The following EFCAB5 variants were observed in gnomAD, a reference collection of about 807,000 sequenced individuals.
EFCAB5 encodes EF-hand calcium-binding domain-containing protein 5.
A neutral mutation model predicts 167.9 loss-of-function variants in EFCAB5; 131 were observed. The observed-to-expected ratio is 0.78, with a 90% CI of 0.68 to 0.90. The LOEUF is 0.90. Ranked by LOEUF, EFCAB5 falls within the 40% of genes least tolerant of loss-of-function variation. The pLI, the probability that EFCAB5 is intolerant of heterozygous loss-of-function variation, is 0.00. For missense variants in EFCAB5, 1,663 were observed against 1,745.2 expected (o/e 0.95, Z 0.84); for synonymous variants, 574 against 602.8 (o/e 0.95, Z 0.70).
At chr17:30,058,004 ACTTT>A in intron 13 of EFCAB5, 114 bp downstream of exon 13, 1 of 882,620 alleles carries the variant, frequency 1.1e-6, no homozygotes, top group Non-Finnish European at 1.7e-6. Flanking sequence ...CAAACTGATC[ACTTT>A]CTTTCAACAA....
intron 14 of EFCAB5, among the ~76,000 whole-genome samples, chr17:30,061,101 G>A (rs1410702319): frequency 6.6e-6 from 1 of 152,220 alleles, no homozygotes; most frequent in Non-Finnish European, 1.5e-5. Flanking sequence ...CAGATAGATA[G>A]CATAAAATGT....
intron 7 of EFCAB5, among the ~76,000 whole-genome samples, chr17:30,007,203 G>A (rs148382584): frequency 6.6e-6 from 1 of 152,052 alleles, no homozygotes; most frequent in South Asian, 2.1e-4. Context: ...GATTTATTAG[G>A]GGAAGAAATG....
At chr17:30,006,575 T>G (rs774038808) in intron 7 of EFCAB5, among the ~76,000 whole-genome samples, 3 of 152,230 alleles carry the variant, frequency 2.0e-5, no homozygotes, top group Non-Finnish European at 2.9e-5. Flanking sequence ...AAATAAAAGT[T>G]TTTCTACATT....
chr17:29,942,545 T>C (rs868759538), intron 2 of EFCAB5, among the ~76,000 whole-genome samples: 9 of 152,194 alleles, frequency 5.9e-5, no homozygotes, highest in South Asian at 4.1e-4. Context: ...GACTGCTTTC[T>C]AAAGTTACCC....
intron 11 of EFCAB5, 40 bp downstream of exon 11, chr17:30,056,005 A>G (rs150943636): frequency 4.5e-5 from 73 of 1,613,208 alleles, no homozygotes; most frequent in Non-Finnish European, 5.8e-5. Context: ...TATACCCTAG[A>G]ACAAAAATAT....
chr17:30,060,098 T>C (rs1218523778), intron 14 of EFCAB5, among the ~76,000 whole-genome samples: 1 of 152,200 alleles, frequency 6.6e-6, no homozygotes, highest in East Asian at 1.9e-4. Context: ...TGCAGAATGC[T>C]TTGTCCAAAA....
At position 30,034,362 on chromosome 17, in the gene EFCAB5, T is replaced by C. The variant is rs2069562309; in HGVS notation, c.1177T>C (p.Phe393Leu). The C allele has an allele frequency of 2.5e-6, 4 of 1,607,016 alleles. No individual in the cohort carries two copies. The highest frequency in any genetic ancestry group is 3.4e-6 in the Non-Finnish European group (4 of 1,176,040). ...GCGGAGGCAGATGTTCGCTGAACTC[T>C]TCCTACATTGTGACCACGGGAAGGT... ...DMRRQMFAELFLHCDHGKVGF... is the reference protein window; with the variant it reads ...DMRRQMFAELLLHCDHGKVGF... The change falls in exon 8 of 23, where the codon TTC becomes CTC. Residue 393 changes from phenylalanine (F) to leucine (L), a missense_variant. By Grantham distance (22) the Phe-to-Leu change is conservative. Transcript: ENST00000394835.
Position 29,980,082 on chromosome 17 carries a change from T to G in EFCAB5, c.767+10715T>G, listed in dbSNP as rs141886096. 1.1e-3 allele frequency among the ~76,000 whole-genome samples: 160 copies of G among 152,236 alleles called. 1 individual carries two copies. The highest frequency in any genetic ancestry group is 3.8e-3 in the African/African-American group (156 of 41,558). On this transcript the variant is annotated intron_variant, in intron 4 of 22. Coordinates refer to ENST00000394835, the MANE Select transcript of EFCAB5 (RefSeq NM_198529.4). ...TACTCAGGAGGCTGAGGCAGGAGAA[T>G]TGCTTGACCCCGGGAGGCGGAGGTT...
At chr17:30,088,899 C>T (rs2071140360) in intron 19 of EFCAB5, among the ~76,000 whole-genome samples, 1 of 152,134 alleles carries the variant, frequency 6.6e-6, no homozygotes. Flanking sequence ...TTACAGAAGT[C>T]CTTGTAATAC....
chr17:29,935,710 G>GAAA (rs35613362), intron 1 of EFCAB5, among the ~76,000 whole-genome samples: 4 of 146,160 alleles, frequency 2.7e-5, no homozygotes, highest in Non-Finnish European at 4.5e-5. Context: ...TTAAGGGCTA[G>GAAA]AAAAAAAAAA....
chr17:29,961,042 G>T (rs1011274473), intron 3 of EFCAB5, among the ~76,000 whole-genome samples: 12 of 152,074 alleles, frequency 7.9e-5, no homozygotes, highest in Admixed American at 5.9e-4. Flanking sequence ...CACAATAGCT[G>T]CATCACTTTG....
At chr17:30,003,597 T>A (rs2068714317) in intron 7 of EFCAB5, among the ~76,000 whole-genome samples, 1 of 151,476 alleles carries the variant, frequency 6.6e-6, no homozygotes, top group African/African-American at 2.4e-5. Context: ...AAAAAAGAGA[T>A]GTGATCCTCC....
chr17:30,077,279 G>T (rs2070886824), intron 14 of EFCAB5, among the ~76,000 whole-genome samples: 1 of 152,070 alleles, frequency 6.6e-6, no homozygotes. Flanking sequence ...TCCAGCTTGG[G>T]CTACAGAGCT....
chr17:29,933,838 C>T (rs570142020), intron 1 of EFCAB5, among the ~76,000 whole-genome samples: 2 of 152,276 alleles, frequency 1.3e-5, no homozygotes, highest in East Asian at 1.9e-4. Flanking sequence ...GAATCCTGAT[C>T]TAAATGTTAA....
chr17:30,059,802 C>T lies in EFCAB5; in HGVS notation c.2737+101C>T, dbSNP rs910822425. Reference sequence around the variant, plus strand: ...TAAAATACTGGTTATGCTAAAACCACTAGATAACCCTTCATGTCTACCAGT... The same window carrying T: ...TAAAATACTGGTTATGCTAAAACCATTAGATAACCCTTCATGTCTACCAGT... On this transcript the variant is annotated intron_variant, in intron 14 of 22. Coordinates refer to ENST00000394835, the MANE Select transcript of EFCAB5 (RefSeq NM_198529.4). 1.4e-5 allele frequency: 12 copies of T among 874,246 alleles called. 1 individual carries two copies. The South Asian group carries it at 3.4e-4, about 25-fold the overall frequency. The allele number at this position is 874,246 out of a possible 1,614,324, so 54.2% of individuals were successfully genotyped here. A position where few individuals can be genotyped will look rare whatever the true frequency, so the allele number is the denominator to read the frequency against.
At chr17:29,970,445 G>A (rs1272251055) in intron 4 of EFCAB5, among the ~76,000 whole-genome samples, 7 of 151,470 alleles carry the variant, frequency 4.6e-5, no homozygotes, top group Non-Finnish European at 1.0e-4. Flanking sequence ...TATGAATTAT[G>A]GGAGTAACTT....
At chr17:30,000,814 T>A (rs1339058934) in intron 7 of EFCAB5, among the ~76,000 whole-genome samples, 1 of 152,194 alleles carries the variant, frequency 6.6e-6, no homozygotes, top group Non-Finnish European at 1.5e-5. Context: ...GTTTGTCTAT[T>A]TGTCATGCAT....
At chr17:30,100,283 G>A (rs1023867908) in intron 22 of EFCAB5, among the ~76,000 whole-genome samples, 1 of 152,110 alleles carries the variant, frequency 6.6e-6, no homozygotes, top group Non-Finnish European at 1.5e-5. Flanking sequence ...CAAGATCCCC[G>A]CCCTCAAGAA....
At chr17:29,941,967 C>A in intron 1 of EFCAB5, 129 bp downstream of exon 1, 1 of 1,055,280 alleles carries the variant, frequency 9.5e-7, no homozygotes, top group South Asian at 1.6e-5. Flanking sequence ...TATTCTGCAT[C>A]AGGTTTTGAC....
Sources: allele counts gnomAD v4.1 joint callset (sites outside exome capture counted in the v4.1 genomes callset), GRCh38; gene constraint gnomAD v4.1.1; transcripts MANE v1.5; gene names NCBI Gene and HGNC (gene_info 2026-07-23, HGNC 2026-07-21).